MCTP1: variants seen among roughly 807,000 people sequenced by gnomAD.
MCTP1 encodes multiple C2 and transmembrane domain-containing protein 1.
A neutral mutation model predicts 120.6 loss-of-function variants in MCTP1; 69 were observed. The observed-to-expected ratio is 0.57, with a 90% CI of 0.47 to 0.70. MCTP1 has a LOEUF of 0.70. Ranked by LOEUF, MCTP1 falls within the 30% of genes least tolerant of loss-of-function variation. The pLI, the probability that MCTP1 is intolerant of heterozygous loss-of-function variation, is 0.00. For missense variants in MCTP1, 1,203 were observed against 1,248.8 expected (o/e 0.96, Z 0.55); for synonymous variants, 529 against 493.1 (o/e 1.07, Z -0.96).
rs1582092981 is a variant in MCTP1 at position 95,061,430 on chromosome 5, T to G, written c.721-43946A>C. On this transcript the variant is annotated intron_variant, in intron 1 of 22. Coordinates refer to ENST00000515393, the MANE Select transcript of MCTP1 (RefSeq NM_024717.7). ...AGGGTTTTTTTTTTTTTTTTTTTTT[T>G]TTTTTTTTTTTTTTTTTTTTTTTGA... Among the ~76,000 whole-genome samples the G allele has an allele frequency of 1.1e-3, 70 of 61,674 alleles. 3 individuals carry two copies. The highest frequency in any genetic ancestry group is 2.2e-3 in the African/African-American group (35 of 16,222). The allele number at this position is 61,674 out of a possible 152,430, so 40.5% of individuals were successfully genotyped here.
intron 1 of MCTP1, among the ~76,000 whole-genome samples, chr5:95,042,108 A>G (rs1349003724): frequency 6.6e-6 from 1 of 152,206 alleles, no homozygotes; most frequent in African/African-American, 2.4e-5. Flanking sequence ...TTGCTGGTTC[A>G]GTGTAGTCGT....
At chr5:95,250,077 A>G (rs1757230594) in intron 1 of MCTP1, among the ~76,000 whole-genome samples, 1 of 152,236 alleles carries the variant, frequency 6.6e-6, no homozygotes, top group African/African-American at 2.4e-5. Context: ...TGATGGGTAC[A>G]GCAAACCAAC....
At chr5:95,076,359 G>A (rs962767391) in intron 1 of MCTP1, among the ~76,000 whole-genome samples, 2 of 150,866 alleles carry the variant, frequency 1.3e-5, no homozygotes, top group African/African-American at 4.9e-5. Flanking sequence ...CTCCAGGTAT[G>A]AGCTTAGTGA....
chr5:94,845,132 AG>A, intron 17 of MCTP1, among the ~76,000 whole-genome samples: 1 of 152,354 alleles, frequency 6.6e-6, no homozygotes, highest in Middle Eastern at 3.4e-3. Flanking sequence ...ATAAGCAAAA[AG>A]CAACCTGTAT....
intron 18 of MCTP1, among the ~76,000 whole-genome samples, chr5:94,796,580 T>TACACAC (rs535395569): frequency 7.2e-6 from 1 of 138,278 alleles, no homozygotes; most frequent in African/African-American, 2.7e-5. Context: ...TGTATCCACA[T>TACACAC]ACACACACAC....
intron 3 of MCTP1, among the ~76,000 whole-genome samples, chr5:94,945,633 G>T (rs1030517775): frequency 1.1e-4 from 17 of 152,158 alleles, no homozygotes; most frequent in Admixed American, 3.3e-4. Flanking sequence ...TTACATATGG[G>T]GTGGGGAGAG....
chr5:95,039,940 C>T (rs984922532), intron 1 of MCTP1, among the ~76,000 whole-genome samples: 5 of 148,214 alleles, frequency 3.4e-5, no homozygotes, highest in African/African-American at 1.2e-4. Flanking sequence ...GACTATCACA[C>T]GAGTAGATAA....
intron 19 of MCTP1, among the ~76,000 whole-genome samples, chr5:94,771,346 A>C (rs1172933719): frequency 6.6e-6 from 1 of 152,180 alleles, no homozygotes; most frequent in African/African-American, 2.4e-5. Flanking sequence ...AGAGTCTGTG[A>C]CTTAAATAAG....
rs1172849510 is a variant in MCTP1, at chr5:94,759,989, T to TG, written c.2610+19120dup. Among the ~76,000 whole-genome samples the TG allele has an allele frequency of 2.0e-5, 3 of 149,440 alleles. No homozygotes were observed. The South Asian group carries it at 6.3e-4, about 31-fold the overall frequency. ...TGTTGAGGGTTTTTTTTTTTTTTTT[T>TG]GGTACGAAAAATAATCCAGTTACAT... On this transcript the variant is annotated intron_variant, in intron 19 of 22. Transcript: ENST00000515393.
intron 1 of MCTP1, among the ~76,000 whole-genome samples, chr5:95,170,405 G>T (rs1263700009): frequency 1.3e-5 from 2 of 152,226 alleles, no homozygotes; most frequent in Non-Finnish European, 2.9e-5. Context: ...CAGGTGGAGA[G>T]TTCTGTAGAT....
chr5:94,770,703 T>C (rs911880850), intron 19 of MCTP1, among the ~76,000 whole-genome samples: 1 of 152,236 alleles, frequency 6.6e-6, no homozygotes, highest in African/African-American at 2.4e-5. Flanking sequence ...CCGGAATCAC[T>C]AGAAAACTCT....
At chr5:94,923,139 T>C (rs1812130344) in intron 7 of MCTP1, among the ~76,000 whole-genome samples, 1 of 152,026 alleles carries the variant, frequency 6.6e-6, no homozygotes, top group Non-Finnish European at 1.5e-5. Flanking sequence ...CAACAAATAT[T>C]AAAATTCTAA....
chr5:95,036,453 G>A (rs1485900749), intron 1 of MCTP1, among the ~76,000 whole-genome samples: 2 of 152,122 alleles, frequency 1.3e-5, no homozygotes, highest in African/African-American at 2.4e-5. Flanking sequence ...CAGCTCTTAT[G>A]AAACCGAAAC....
chr5:95,116,532 A>G (rs1408517527), intron 1 of MCTP1, among the ~76,000 whole-genome samples: 1 of 151,442 alleles, frequency 6.6e-6, no homozygotes, highest in Non-Finnish European at 1.5e-5. Context: ...TTTTGGTTTC[A>G]TATAAATTTT....
chr5:95,110,337 T>C (rs1288508127), intron 1 of MCTP1, among the ~76,000 whole-genome samples: 1 of 151,908 alleles, frequency 6.6e-6, no homozygotes, highest in Non-Finnish European at 1.5e-5. Context: ...ATCAGTGGAG[T>C]GTAAGTATTA....
chr5:95,037,159 G>A (rs1278631807), intron 1 of MCTP1, among the ~76,000 whole-genome samples: 1 of 152,134 alleles, frequency 6.6e-6, no homozygotes, highest in African/African-American at 2.4e-5. Flanking sequence ...TGGGTTTGAA[G>A]CATCTTTTGG....
At chr5:94,747,667 A>G (rs2152782729) in intron 19 of MCTP1, among the ~76,000 whole-genome samples, 1 of 152,180 alleles carries the variant, frequency 6.6e-6, no homozygotes, top group Admixed American at 6.6e-5. Flanking sequence ...ATATAAAGCT[A>G]AGAGAGGTAA....
At chr5:94,826,569 A>G (rs1465608022) in intron 17 of MCTP1, 2 of 736,688 alleles carry the variant, frequency 2.7e-6, no homozygotes, top group Non-Finnish European at 4.9e-6. Context: ...CTTCCCTTTC[A>G]AAGCATCTTT....
intron 11 of MCTP1, among the ~76,000 whole-genome samples, chr5:94,893,596 T>C (rs967006188): frequency 6.6e-6 from 1 of 152,256 alleles, no homozygotes; most frequent in Admixed American, 6.5e-5. Flanking sequence ...TCAGTGGAGA[T>C]AGCCAGAATA....
Sources: gnomAD v4.1 joint callset for allele counts (sites outside exome capture counted in the v4.1 genomes callset) on GRCh38, gnomAD v4.1.1 for gene constraint, MANE v1.5 for transcripts, NCBI Gene and HGNC (gene_info 2026-07-23, HGNC 2026-07-21) for gene names.